SH3GL2: variants seen among roughly 807,000 people sequenced by gnomAD.
SH3GL2 encodes the protein endophilin-A1.
SH3GL2 carries 24 observed loss-of-function variants against 46.0 expected under a neutral mutation model. The observed-to-expected ratio is 0.52, with a 90% confidence interval of 0.38 to 0.73. The LOEUF (loss-of-function observed/expected upper bound fraction) is 0.73. Among genes scored for constraint, SH3GL2 ranks in the 30% least tolerant of loss-of-function variants. The probability of loss-of-function intolerance (pLI) is 0.00; values close to 1 mark genes in which losing one functional copy is unlikely to be tolerated. For synonymous variants in SH3GL2, 196 were observed against 147.1 expected, an observed-to-expected ratio of 1.33 and a Z score of -2.40; for missense variants, 413 against 424.2, an observed-to-expected ratio of 0.97 and a Z score of 0.23.
At chr9:17,740,003 T>C (rs1254109315) in intron 1 of SH3GL2, among the ~76,000 whole-genome samples, 2 of 152,174 alleles carry the variant, frequency 1.3e-5, no homozygotes, top group East Asian at 3.8e-4. Flanking sequence ...TCACTCAAAC[T>C]CATTTTAAAG....
At chr9:17,745,552 C>T (rs1396948018) in intron 1 of SH3GL2, among the ~76,000 whole-genome samples, 1 of 152,114 alleles carries the variant, frequency 6.6e-6, no homozygotes, top group Non-Finnish European at 1.5e-5. Context: ...GAATGGGTGA[C>T]ATCTGGTATG....
chr9:17,729,919 C>T (rs889708529), intron 1 of SH3GL2, among the ~76,000 whole-genome samples: 4 of 152,082 alleles, frequency 2.6e-5, no homozygotes, highest in African/African-American at 9.7e-5. Context: ...GTTGTTTTTG[C>T]TTAGGATTGT....
intron 1 of SH3GL2, among the ~76,000 whole-genome samples, chr9:17,660,209 A>T (rs1274084869): frequency 6.8e-6 from 1 of 147,132 alleles, no homozygotes; most frequent in Non-Finnish European, 1.5e-5. Flanking sequence ...TTAAATTTGA[A>T]ATAGTTTCTA....
At chr9:17,741,087 A>T (rs1041830126) in intron 1 of SH3GL2, among the ~76,000 whole-genome samples, 1 of 152,180 alleles carries the variant, frequency 6.6e-6, no homozygotes, top group Admixed American at 6.6e-5. Context: ...TTGCCCCATA[A>T]TGCAGATTAG....
intron 1 of SH3GL2, among the ~76,000 whole-genome samples, chr9:17,594,514 C>A (rs938904010): frequency 1.3e-5 from 2 of 152,000 alleles, no homozygotes; most frequent in Admixed American, 6.6e-5. Flanking sequence ...AGCATCAGGA[C>A]AAATGGCTAA....
At chr9:17,778,710 G>A (rs56371897) in intron 3 of SH3GL2, among the ~76,000 whole-genome samples, 17,611 of 152,142 alleles carry the variant, frequency 0.12, 1,131 homozygotes, top group Admixed American at 0.15. Flanking sequence ...AATCCAGGCT[G>A]TAGATGGTAG....
chr9:17,787,775 T>G (rs1459166050), intron 5 of SH3GL2, among the ~76,000 whole-genome samples: 1 of 152,158 alleles, frequency 6.6e-6, no homozygotes, highest in African/African-American at 2.4e-5. Flanking sequence ...TTCAGACTTT[T>G]TCTCCAGAGG....
intron 1 of SH3GL2, among the ~76,000 whole-genome samples, chr9:17,681,543 A>G (rs144753824): frequency 0.014 from 2,172 of 152,276 alleles, 54 homozygotes; most frequent in African/African-American, 0.05. Flanking sequence ...ACCTTATACA[A>G]AAGTTAACTC....
chr9:17,773,428 G>C (rs778867643), intron 3 of SH3GL2, among the ~76,000 whole-genome samples: 17 of 152,064 alleles, frequency 1.1e-4, no homozygotes, highest in Non-Finnish European at 2.1e-4. Context: ...TCTTCTAAGA[G>C]TTCTAGAGTT....
chr9:17,705,398 C>T (rs1042297797), intron 1 of SH3GL2, among the ~76,000 whole-genome samples: 1 of 151,920 alleles, frequency 6.6e-6, no homozygotes, highest in East Asian at 1.9e-4. Flanking sequence ...TGGGTATATT[C>T]CTAAAGGAAT....
At chr9:17,762,510 A>G (rs1823208133) in intron 3 of SH3GL2, among the ~76,000 whole-genome samples, 1 of 151,830 alleles carries the variant, frequency 6.6e-6, no homozygotes, top group Admixed American at 6.6e-5. Context: ...GCTTCCTTCC[A>G]TCCTTATTCA....
intron 1 of SH3GL2, among the ~76,000 whole-genome samples, chr9:17,649,706 C>T (rs1819909916): frequency 6.6e-6 from 1 of 152,158 alleles, no homozygotes; most frequent in African/African-American, 2.4e-5. Context: ...GGTCTCATTT[C>T]AGGTTTGAGG....
At chr9:17,757,980 A>G (rs1490195375) in intron 2 of SH3GL2, among the ~76,000 whole-genome samples, 1 of 152,182 alleles carries the variant, frequency 6.6e-6, no homozygotes, top group African/African-American at 2.4e-5. Context: ...GGGCATTATT[A>G]TGGAGGACCG....
intron 1 of SH3GL2, among the ~76,000 whole-genome samples, chr9:17,683,690 A>C (rs1820832436): frequency 6.6e-6 from 1 of 152,068 alleles, no homozygotes; most frequent in African/African-American, 2.4e-5. Flanking sequence ...TCAGAGTAAG[A>C]AATGCTGATG....
intron 1 of SH3GL2, among the ~76,000 whole-genome samples, chr9:17,687,478 A>G (rs955567329): frequency 3.3e-5 from 5 of 151,990 alleles, no homozygotes; most frequent in Admixed American, 1.3e-4. Flanking sequence ...CATAGGTTCA[A>G]TACAAACTTT....
At chr9:17,674,533 T>C (rs1820559220) in intron 1 of SH3GL2, among the ~76,000 whole-genome samples, 1 of 152,148 alleles carries the variant, frequency 6.6e-6, no homozygotes, top group African/African-American at 2.4e-5. Flanking sequence ...CCCAAAGTGC[T>C]GGGATTACAG....
chr9:17,713,944 T>C (rs150911740), intron 1 of SH3GL2, among the ~76,000 whole-genome samples: 2,362 of 151,832 alleles, frequency 0.016, 32 homozygotes, highest in Non-Finnish European at 0.027. Flanking sequence ...CAATTTTCTG[T>C]CCATTTGTTT....
intron 1 of SH3GL2, among the ~76,000 whole-genome samples, chr9:17,725,940 G>A (rs932233831): frequency 6.6e-6 from 1 of 152,234 alleles, no homozygotes; most frequent in East Asian, 1.9e-4. Flanking sequence ...TCTTCCCATA[G>A]CAAAGTTTCC....
At chr9:17,706,666 G>T (rs1821480169) in intron 1 of SH3GL2, among the ~76,000 whole-genome samples, 1 of 151,912 alleles carries the variant, frequency 6.6e-6, no homozygotes, top group South Asian at 2.1e-4. Context: ...TGGGCATTTT[G>T]GTTTATGAAG....
Sources: allele counts gnomAD v4.1 joint callset (sites outside exome capture counted in the v4.1 genomes callset), GRCh38; gene constraint gnomAD v4.1.1; transcripts MANE v1.5; gene names NCBI Gene and HGNC (gene_info 2026-07-23, HGNC 2026-07-21).